SLIT2: variants seen among roughly 807,000 people sequenced by gnomAD.
SLIT2 encodes the protein slit guidance ligand 2.
Under a neutral mutation model 185.7 loss-of-function variants are expected in SLIT2, and 41 were observed. The ratio of observed to expected loss-of-function variants is 0.22; its 90% confidence interval spans 0.17 to 0.29. SLIT2 has a LOEUF of 0.29. Ranked by LOEUF, SLIT2 falls within the 10% of genes least tolerant of loss-of-function variation. The probability of loss-of-function intolerance (pLI) is 1.00; values close to 1 mark genes in which losing one functional copy is unlikely to be tolerated. For missense variants in SLIT2, 1,571 were observed against 1,909.0 expected (o/e 0.82, Z 3.30); for synonymous variants, 693 against 680.2 (o/e 1.02, Z -0.29).
intron 16 of SLIT2, among the ~76,000 whole-genome samples, chr4:20,530,098 ATT>A (rs34101661): frequency 6.8e-5 from 10 of 147,996 alleles, no homozygotes; most frequent in South Asian, 2.1e-4. Flanking sequence ...AGTTATAGTG[ATT>A]TTTTTTTTTT....
At chr4:20,371,050 GTTTCTTA>G (rs1357073935) in intron 4 of SLIT2, among the ~76,000 whole-genome samples, 1 of 152,026 alleles carries the variant, frequency 6.6e-6, no homozygotes, top group Non-Finnish European at 1.5e-5. Context: ...GGATGGCATA[GTTTCTTA>G]TTTCTTCCTA....
intron 11 of SLIT2, among the ~76,000 whole-genome samples, chr4:20,515,729 G>A (rs1470315593): frequency 6.6e-6 from 1 of 152,084 alleles, no homozygotes; most frequent in East Asian, 1.9e-4. Flanking sequence ...GAATAATAAA[G>A]TATCTGCCCA....
At chr4:20,614,521 T>C (rs1445361924) in intron 34 of SLIT2, among the ~76,000 whole-genome samples, 1 of 152,016 alleles carries the variant, frequency 6.6e-6, no homozygotes, top group Non-Finnish European at 1.5e-5. Context: ...CTCATACCTG[T>C]AATCCCAGCA....
chr4:20,262,677 CAT>C (rs1370905908), intron 3 of SLIT2, among the ~76,000 whole-genome samples: 1 of 151,780 alleles, frequency 6.6e-6, no homozygotes, highest in East Asian at 1.9e-4. Context: ...TGAGTATGCA[CAT>C]AGCATAAAAT....
rs140065510 is a variant in SLIT2, at chr4:20,556,021, T to C, written c.2725+2053T>C. 6.9e-4 allele frequency among the ~76,000 whole-genome samples: 105 copies of C among 152,224 alleles called. 1 individual carries two copies. The highest frequency in any genetic ancestry group is 3.4e-3 in the Middle Eastern group (1 of 294). On this transcript the variant is annotated intron_variant, in intron 26 of 36. Transcript: ENST00000504154. ...CTTTGAATTGAATTATTGCTGTTAA[T>C]ATTAGTGCATCACTGATTGAAACTA...
At chr4:20,296,463 T>A (rs975258415) in intron 4 of SLIT2, among the ~76,000 whole-genome samples, 1 of 152,184 alleles carries the variant, frequency 6.6e-6, no homozygotes. Context: ...ATTACAGCAA[T>A]TGGTAAAGAA....
chr4:20,602,532 A>G (rs1284295732), intron 33 of SLIT2, among the ~76,000 whole-genome samples: 1 of 152,156 alleles, frequency 6.6e-6, no homozygotes, highest in Non-Finnish European at 1.5e-5. Flanking sequence ...GGTTGTTTCC[A>G]AAAGTCTGCA....
At chr4:20,404,887 T>G (rs190313408) in intron 4 of SLIT2, among the ~76,000 whole-genome samples, 1 of 152,106 alleles carries the variant, frequency 6.6e-6, no homozygotes, top group African/African-American at 2.4e-5. Flanking sequence ...TGACTAGAAA[T>G]AGCATTTAAA....
chr4:20,314,969 A>G (rs1718438167), intron 4 of SLIT2, among the ~76,000 whole-genome samples: 1 of 151,720 alleles, frequency 6.6e-6, no homozygotes, highest in Non-Finnish European at 1.5e-5. Context: ...AGGGATATGA[A>G]TTGTAACTTT....
intron 30 of SLIT2, among the ~76,000 whole-genome samples, chr4:20,590,592 CATT>C (rs1727443341): frequency 6.6e-6 from 1 of 152,156 alleles, no homozygotes. Context: ...GGTGACAAAG[CATT>C]ATAATCCCGC....
At chr4:20,597,328 A>C (rs1219307003) in intron 32 of SLIT2, among the ~76,000 whole-genome samples, 1 of 152,064 alleles carries the variant, frequency 6.6e-6, no homozygotes, top group East Asian at 1.9e-4. Context: ...TCGGCCTCCC[A>C]AAGTGCTGGG....
intron 7 of SLIT2, among the ~76,000 whole-genome samples, chr4:20,488,300 G>T (rs1034319540): frequency 6.6e-6 from 1 of 152,094 alleles, no homozygotes; most frequent in African/African-American, 2.4e-5. Flanking sequence ...GAATAAGGGT[G>T]TGAAAAAAGT....
intron 4 of SLIT2, among the ~76,000 whole-genome samples, chr4:20,368,934 C>G (rs115657797): frequency 1.3e-3 from 205 of 152,164 alleles, no homozygotes; most frequent in African/African-American, 4.7e-3. Flanking sequence ...CTTTATTTAT[C>G]AATAACAAGA....
At chr4:20,373,033 C>T (rs980073721) in intron 4 of SLIT2, among the ~76,000 whole-genome samples, 1 of 152,002 alleles carries the variant, frequency 6.6e-6, no homozygotes, top group Non-Finnish European at 1.5e-5. Context: ...GAGTTAGATG[C>T]TAAATGTCAT....
chr4:20,616,857 A>C, intron 34 of SLIT2, 53 bp from the exon 35 acceptor site: 1 of 1,523,548 alleles, frequency 6.6e-7, no homozygotes, highest in Non-Finnish European at 8.9e-7. Context: ...TGAGTAGCAA[A>C]TGGCTCAGAA....
rs145974257 is a variant in SLIT2 at position 20,389,963 on chromosome 4, C to T, written c.396-77789C>T. On this transcript the variant is annotated intron_variant, in intron 4 of 36. Coordinates refer to ENST00000504154, the MANE Select transcript of SLIT2 (RefSeq NM_004787.4). The stretch of plus-strand genomic sequence containing the variant: ...TACTCTCCTTGCTTACATTATCCAG[C>T]TTTCTATTCTTTGCATCTAAGAATC... Among the ~76,000 whole-genome samples, 140 of 152,212 alleles carry T rather than the reference C, an allele frequency of 9.2e-4. 1 individual carries two copies. Among genetic ancestry groups the T allele is most frequent in the African/African-American group, 3.1e-3 (130 of 41,548 alleles).
At chr4:20,518,557 G>GTGTGTGTGTATATATATATATA (rs1271279922) in intron 11 of SLIT2, among the ~76,000 whole-genome samples, 5 of 17,848 alleles carry the variant, frequency 2.8e-4, no homozygotes, top group African/African-American at 8.9e-4. Context: ...CAGCCTATAT[G>GTGTGTGTGTATATATATATATA]TATATATATA....
At chr4:20,549,376 A>G (rs542830391) in intron 24 of SLIT2, among the ~76,000 whole-genome samples, 13 of 152,294 alleles carry the variant, frequency 8.5e-5, no homozygotes, top group African/African-American at 3.1e-4. Context: ...GATTATATGT[A>G]ACATTAAGAC....
intron 4 of SLIT2, among the ~76,000 whole-genome samples, chr4:20,401,513 A>G (rs1726358774): frequency 6.6e-6 from 1 of 151,796 alleles, no homozygotes; most frequent in African/African-American, 2.4e-5. Flanking sequence ...GACACAAAAC[A>G]TGCTGATTCT....
Sources: gnomAD v4.1 joint callset for allele counts (sites outside exome capture counted in the v4.1 genomes callset) on GRCh38, gnomAD v4.1.1 for gene constraint, MANE v1.5 for transcripts, NCBI Gene and HGNC (gene_info 2026-07-23, HGNC 2026-07-21) for gene names.